Variants in RARB observed in about 807,000 individuals in gnomAD.
RARB encodes retinoic acid receptor beta.
RARB carries 17 observed loss-of-function variants against 51.9 expected under a neutral mutation model. The observed-to-expected ratio is 0.33, with a 90% CI of 0.22 to 0.49. The LOEUF (loss-of-function observed/expected upper bound fraction) is 0.49. Among genes scored for constraint, RARB ranks in the 20% least tolerant of loss-of-function variants. The pLI is 0.99. For synonymous variants in RARB, 215 were observed against 195.4 expected, an observed-to-expected ratio of 1.10 and a Z score of -0.84; for missense variants, 369 against 550.8, an observed-to-expected ratio of 0.67 and a Z score of 3.30.
intron 3 of RARB, among the ~76,000 whole-genome samples, chr3:25,071,756 G>A (rs6772970): frequency 0.21 from 31,268 of 152,060 alleles, 4,153 homozygotes; most frequent in African/African-American, 0.37. Flanking sequence ...AAGGAGAGGC[G>A]CTGCTTAAAT....
chr3:25,065,601 C>T (rs1698645604), intron 3 of RARB, among the ~76,000 whole-genome samples: 1 of 152,194 alleles, frequency 6.6e-6, no homozygotes, highest in Non-Finnish European at 1.5e-5. Flanking sequence ...TACGATTGTT[C>T]TACCCAAAGT....
chr3:25,448,413 C>A (rs1403510290), intron 1 of RARB, among the ~76,000 whole-genome samples: 2 of 152,162 alleles, frequency 1.3e-5, no homozygotes, highest in African/African-American at 4.8e-5. Flanking sequence ...AAATAACCAA[C>A]AATGTAGCAT....
chr3:25,255,376 A>T (rs1305777995), intron 5 of RARB, among the ~76,000 whole-genome samples: 3 of 152,166 alleles, frequency 2.0e-5, no homozygotes, highest in Non-Finnish European at 4.4e-5. Context: ...GAACATCATT[A>T]TGAATTCATG....
chr3:25,011,313 G>A (rs1327626131), intron 2 of RARB, among the ~76,000 whole-genome samples: 3 of 151,940 alleles, frequency 2.0e-5, no homozygotes, highest in African/African-American at 4.8e-5. Context: ...TAAATAGCAC[G>A]TTCAAGGAAG....
rs149939738 is a variant in RARB at position 24,900,026 on chromosome 3, A to C, written c.-380+41274A>C. On this transcript the variant is annotated intron_variant, in intron 2 of 11. Coordinates refer to the RARB transcript ENST00000383772. ...TTTCATTTGGACAGCAACCATAATA[A>C]ATTAAAATAAAATTCAGTCTTGATT... 7.2e-5 allele frequency among the ~76,000 whole-genome samples: 11 copies of C among 152,328 alleles called. No individual in the cohort carries two copies. The East Asian group carries it at 2.1e-3, about 29-fold the overall frequency.
At chr3:25,519,571 AAAAC>A (rs1698315555) in intron 3 of RARB, among the ~76,000 whole-genome samples, 1 of 152,194 alleles carries the variant, frequency 6.6e-6, no homozygotes, top group South Asian at 2.1e-4. Context: ...TAGAAAGTAT[AAAAC>A]AAAATTATGC....
At chr3:25,322,946 G>T (rs369642486) in intron 5 of RARB, among the ~76,000 whole-genome samples, 7 of 152,274 alleles carry the variant, frequency 4.6e-5, no homozygotes, top group South Asian at 2.1e-4. Context: ...GATTCTGTGG[G>T]TCAAAAATTT....
At chr3:25,177,423 A>G (rs1377608178) in intron 5 of RARB, among the ~76,000 whole-genome samples, 1 of 152,200 alleles carries the variant, frequency 6.6e-6, no homozygotes, top group Non-Finnish European at 1.5e-5. Context: ...ATAAAAAGGG[A>G]GCAAACATGT....
intron 5 of RARB, among the ~76,000 whole-genome samples, chr3:25,225,733 T>A (rs184565021): frequency 6.6e-6 from 1 of 152,278 alleles, no homozygotes; most frequent in East Asian, 1.9e-4. Flanking sequence ...CGCACACGTA[T>A]TTGTGATGGA....
chr3:25,314,722 T>G lies in RARB; in HGVS notation c.178+140147T>G, dbSNP rs558425002. Among the ~76,000 whole-genome samples, 8 of 152,292 alleles carry G rather than the reference T, an allele frequency of 5.3e-5. No individual in the cohort carries two copies. In the East Asian group the frequency reaches 1.5e-3, roughly 29 times the overall value. On this transcript the variant is annotated intron_variant, in intron 5 of 11. Coordinates refer to the RARB transcript ENST00000383772. ...TTTCAACTTTTATTTTAGACTCAGG[T>G]GGGTACATGTGCAGGTTTGTTACAT...
In RARB at chr3:25,428,405, C is replaced by T. The variant is rs1575393635; in HGVS notation, c.-327C>T. 1 of 1,266,084 alleles carries T rather than the reference C, an allele frequency of 7.9e-7. No homozygotes were observed. The highest frequency in any genetic ancestry group is 9.9e-7 in the Non-Finnish European group (1 of 1,007,958). The allele number at this position is 1,266,084 out of a possible 1,614,324, so 78.4% of individuals were successfully genotyped here. A position where few individuals can be genotyped will look rare whatever the true frequency, so the allele number is the denominator to read the frequency against. On this transcript the variant is annotated 5_prime_UTR_variant, in exon 1 of 8. Coordinates refer to ENST00000330688, the MANE Select transcript of RARB (RefSeq NM_000965.5). ...GCGATCCGAGCAGGGTTTGTCTGGGCACCGTCGGGGTAGGATCCGGAACGC... is the reference window on the plus strand; with the variant it reads ...GCGATCCGAGCAGGGTTTGTCTGGGTACCGTCGGGGTAGGATCCGGAACGC...
chr3:25,303,721 A>G (rs1417443304), intron 5 of RARB, among the ~76,000 whole-genome samples: 1 of 152,206 alleles, frequency 6.6e-6, no homozygotes, highest in Non-Finnish European at 1.5e-5. Flanking sequence ...CTGGGGGACA[A>G]TAAAAACTTA....
rs145485983 is a variant in RARB, at chr3:25,429,382, A to C, written c.157+494A>C. ...ATGACATTTTCCTTGAAAGGAATTT[A>C]GTTTAATTAAGGTGGCTGCTGCTCC... On this transcript the variant is annotated intron_variant, in intron 1 of 7. Transcript: ENST00000330688. Among the ~76,000 whole-genome samples the C allele has an allele frequency of 2.8e-3, 426 of 152,306 alleles. 17 individuals are homozygous for C. The East Asian group carries it at 0.065, about 23-fold the overall frequency.
At chr3:25,447,991 A>G (rs1161844010) in intron 1 of RARB, among the ~76,000 whole-genome samples, 3 of 152,276 alleles carry the variant, frequency 2.0e-5, no homozygotes, top group African/African-American at 7.2e-5. Flanking sequence ...TGTGGCAGGC[A>G]TTGTGCAAAG....
rs137916840 is a variant in RARB, at chr3:25,325,430, C to T, written c.179-135763C>T. Reference sequence around the variant, plus strand: ...TCCTATCTCATCCTGTGACTTAGAACGGCTAACCTCCTGGGAATGCAGCCC... The same window carrying T: ...TCCTATCTCATCCTGTGACTTAGAATGGCTAACCTCCTGGGAATGCAGCCC... On this transcript the variant is annotated intron_variant, in intron 5 of 11. Coordinates refer to the RARB transcript ENST00000383772. Among the ~76,000 whole-genome samples, 629 of 152,156 alleles carry T rather than the reference C, an allele frequency of 4.1e-3. 5 individuals carry two copies. Among genetic ancestry groups the T allele is most frequent in the Non-Finnish European group, 5.2e-3 (352 of 68,000 alleles).
At chr3:25,131,071 ACT>A (rs1261196521) in intron 3 of RARB, among the ~76,000 whole-genome samples, 3 of 151,106 alleles carry the variant, frequency 2.0e-5, no homozygotes, top group South Asian at 2.1e-4. Context: ...TTCTTCCAAA[ACT>A]CTCTGTTTAT....
chr3:25,214,028 T>C (rs13088581), intron 5 of RARB, among the ~76,000 whole-genome samples: 16,844 of 152,268 alleles, frequency 0.11, 1,068 homozygotes, highest in South Asian at 0.26. Flanking sequence ...ACCAAAGCCA[T>C]GCATACAGAG....
Position 25,596,431 on chromosome 3 carries a change from G to T in RARB, c.1162G>T (p.Val388Leu). The T allele has an allele frequency of 2.5e-6, 4 of 1,611,344 alleles. No homozygotes were observed. In the East Asian group the frequency reaches 8.9e-5, roughly 36 times the overall value. ...TCTCTTTTGAAAAGGTGCAGAGCGT[G>T]TAATTACCTTGAAAATGGAAATTCC... ...RSISAKGAER[V>L]ITLKMEIPGS... is the part of the protein sequence containing the mutation. Residue 388 changes from valine (V) to leucine (L), a missense_variant, in exon 8 of 8, where the codon GTA becomes TTA. By Grantham distance (32) the Val-to-Leu change is conservative (BLOSUM62 1). Around this residue, in one of 9 missense-constraint regions of RARB, gnomAD observed 76 missense variants for 153.3 expected, o/e 0.50. Coordinates refer to ENST00000330688, the MANE Select transcript of RARB (RefSeq NM_000965.5).
intron 2 of RARB, among the ~76,000 whole-genome samples, chr3:24,916,667 A>G (rs781674854): frequency 2.0e-5 from 3 of 151,328 alleles, no homozygotes; most frequent in Non-Finnish European, 2.9e-5. Flanking sequence ...TGAGTATAAA[A>G]GGGTATAACC....
Sources: gnomAD v4.1 joint callset for allele counts (sites outside exome capture counted in the v4.1 genomes callset) on GRCh38, gnomAD v4.1.1 for gene constraint, gnomAD v4.1.1 regional missense constraint, MANE v1.5 for transcripts, NCBI Gene and HGNC (gene_info 2026-07-23, HGNC 2026-07-21) for gene names.